LRRIQ1: variants seen among roughly 807,000 people sequenced by gnomAD.
LRRIQ1 encodes the protein leucine-rich repeat- and IQ domain-containing protein 1.
A neutral mutation model predicts 211.9 loss-of-function variants in LRRIQ1; 210 were observed. The observed-to-expected ratio is 0.99, with a 90% confidence interval of 0.89 to 1.11. The LOEUF is 1.11. LRRIQ1 is among the 50% of genes most tolerant of loss of function. LRRIQ1 has a pLI of 0.00. For missense variants in LRRIQ1, 2,136 were observed against 1,939.5 expected (o/e 1.10, Z -1.90); for synonymous variants, 699 against 650.1 (o/e 1.08, Z -1.14).
At chr12:85,250,480 A>G (rs530751734) in intron 1 of LRRIQ1, among the ~76,000 whole-genome samples, 6 of 151,604 alleles carry the variant, frequency 4.0e-5, no homozygotes, top group Admixed American at 6.6e-5. Flanking sequence ...TGGCTCATGT[A>G]TATAATCCCA....
chr12:85,192,510 A>G lies in LRRIQ1; in HGVS notation c.4822+31796A>G, dbSNP rs1203748710. On this transcript the variant is annotated intron_variant, in intron 24 of 26. Transcript: ENST00000393217. ...TTATATAATATAATTATATATAAATATATATAGTTATATAATATAATTATA... is the reference window on the plus strand; with the variant it reads ...TTATATAATATAATTATATATAAATGTATATAGTTATATAATATAATTATA... Among the ~76,000 whole-genome samples the G allele has an allele frequency of 1.5e-4, 18 of 123,262 alleles. No homozygotes were observed. In the South Asian group the frequency reaches 2.1e-3, roughly 14 times the overall value. The allele number at this position is 123,262 out of a possible 152,430, so 80.9% of individuals were successfully genotyped here.
At chr12:85,095,077 C>T (rs1885753745) in intron 11 of LRRIQ1, among the ~76,000 whole-genome samples, 1 of 152,036 alleles carries the variant, frequency 6.6e-6, no homozygotes, top group Non-Finnish European at 1.5e-5. Flanking sequence ...AGGTATTTTA[C>T]TTCTTTTTGT....
chr12:85,070,888 A>C lies in LRRIQ1; in HGVS notation c.2696-2019A>C, dbSNP rs891229770. 5.9e-5 allele frequency among the ~76,000 whole-genome samples: 9 copies of C among 151,960 alleles called. No homozygotes were observed. In the East Asian group the frequency reaches 1.7e-3, roughly 29 times the overall value. On this transcript the variant is annotated intron_variant, in intron 10 of 26. Transcript: ENST00000393217. ...ATTACTATTTATAATATAGCTTACT[A>C]ATTTTAAGATTTATTTACATTTTTT...
chr12:85,219,689 C>T (rs1894308999), intron 24 of LRRIQ1, among the ~76,000 whole-genome samples: 1 of 151,812 alleles, frequency 6.6e-6, no homozygotes, highest in Non-Finnish European at 1.5e-5. Context: ...GGCACTATTC[C>T]CAAAATTTCT....
intron 24 of LRRIQ1, among the ~76,000 whole-genome samples, chr12:85,177,572 A>C (rs1345893851): frequency 6.6e-6 from 1 of 152,154 alleles, no homozygotes; most frequent in African/African-American, 2.4e-5. Flanking sequence ...GGCCATTCAA[A>C]GAACTGAAAG....
intron 10 of LRRIQ1, among the ~76,000 whole-genome samples, chr12:85,070,267 G>A (rs1255653909): frequency 6.6e-6 from 1 of 151,886 alleles, no homozygotes; most frequent in Non-Finnish European, 1.5e-5. Flanking sequence ...TTGAGTGTTT[G>A]GTGTAGCTGA....
intron 1 of LRRIQ1, among the ~76,000 whole-genome samples, chr12:85,260,542 C>CT (rs1220380136): frequency 6.6e-6 from 1 of 152,084 alleles, no homozygotes; most frequent in Non-Finnish European, 1.5e-5. Flanking sequence ...TTATTAATCT[C>CT]TTTTTTATCT....
At chr12:85,071,108 T>C (rs1883033589) in intron 10 of LRRIQ1, among the ~76,000 whole-genome samples, 1 of 151,932 alleles carries the variant, frequency 6.6e-6, no homozygotes, top group African/African-American at 2.4e-5. Flanking sequence ...AGATGAAAAC[T>C]ACATTAAAAA....
intron 11 of LRRIQ1, among the ~76,000 whole-genome samples, chr12:85,076,849 C>T (rs1883718560): frequency 6.6e-6 from 1 of 151,184 alleles, no homozygotes. Flanking sequence ...CAACACAATG[C>T]TTAGTGTAAA....
rs1894353323 is a variant in LRRIQ1 at position 85,220,603 on chromosome 12, T to G, written c.4823-8914T>G. On this transcript the variant is annotated intron_variant, in intron 24 of 26. Transcript: ENST00000393217. Reference sequence around the variant, plus strand: ...TTATATGAATGAGTAGTGTTTCTTTTTTTTGGTTTTGTGTTTTATTTTTAT... The same window carrying G: ...TTATATGAATGAGTAGTGTTTCTTTGTTTTGGTTTTGTGTTTTATTTTTAT... Among the ~76,000 whole-genome samples, 3 of 151,034 alleles carry G rather than the reference T, an allele frequency of 2.0e-5. 1 individual carries two copies. Among genetic ancestry groups the G allele is most frequent in the Admixed American group, 6.6e-5 (1 of 15,184 alleles).
chr12:85,174,696 C>A (rs1472184624), intron 24 of LRRIQ1, among the ~76,000 whole-genome samples: 2 of 19,588 alleles, frequency 1.0e-4, no homozygotes, highest in South Asian at 9.7e-4. Flanking sequence ...AGCAAGAGTA[C>A]AGCTCAAAAA....
chr12:85,039,869 G>C (rs985983247), intron 2 of LRRIQ1, among the ~76,000 whole-genome samples: 2 of 151,458 alleles, frequency 1.3e-5, no homozygotes, highest in Admixed American at 1.3e-4. Context: ...TTGTTGTTAT[G>C]AATATTATTT....
In LRRIQ1 at chr12:85,047,330, G is replaced by A; in HGVS notation, c.538G>A (p.Glu180Lys). The A allele has an allele frequency of 6.2e-7, 1 of 1,603,230 alleles. No individual in the cohort carries two copies. Among genetic ancestry groups the A allele is most frequent in the Non-Finnish European group, 8.5e-7 (1 of 1,173,542 alleles). The change falls in exon 6 of 27, where the codon GAA becomes AAA. Residue 180 changes from glutamate to lysine, a missense_variant. Coordinates refer to ENST00000393217, the MANE Select transcript of LRRIQ1 (RefSeq NM_001079910.2). ...SFEAWQEKQK[E>K]LEDKEKQTLK... ...TGAGGCTTGGCAAGAGAAACAGAAG[G>A]AATTAGAAGATAAAGAGAAACAAAC...
rs147727814 is a variant in LRRIQ1 at position 85,075,133 on chromosome 12, C to T, written c.2887+2035C>T. On this transcript the variant is annotated intron_variant, in intron 11 of 26. Transcript: ENST00000393217. ...ATTAACTCATTTGCTTTTCACATCA[C>T]TGGCATGAGTTAGGTACTATTAAAT... is the stretch of plus-strand genomic sequence containing the variant. Among the ~76,000 whole-genome samples, 612 of 152,196 alleles carry T rather than the reference C, an allele frequency of 4.0e-3. 2 individuals are homozygous for T. The highest frequency in any genetic ancestry group is 0.014 in the African/African-American group (582 of 41,566).
intron 15 of LRRIQ1, among the ~76,000 whole-genome samples, chr12:85,117,529 A>C (rs568331583): frequency 6.6e-6 from 1 of 152,320 alleles, no homozygotes; most frequent in Admixed American, 6.5e-5. Context: ...TGACTTTGGC[A>C]GACCTCCTTT....
At chr12:85,198,033 C>CATATTATTT (rs1893064266) in intron 24 of LRRIQ1, among the ~76,000 whole-genome samples, 1 of 66,398 alleles carries the variant, frequency 1.5e-5, no homozygotes, top group Non-Finnish European at 2.4e-5. Flanking sequence ...TTATATATAA[C>CATATTATTT]ATATATAATA....
intron 24 of LRRIQ1, among the ~76,000 whole-genome samples, chr12:85,199,766 C>T (rs1240209516): frequency 6.6e-6 from 1 of 152,068 alleles, no homozygotes; most frequent in Non-Finnish European, 1.5e-5. Flanking sequence ...GAGACTCACT[C>T]ACTATCACAA....
intron 1 of LRRIQ1, among the ~76,000 whole-genome samples, chr12:85,037,949 CG>C (rs1292979594): frequency 6.6e-6 from 1 of 151,456 alleles, no homozygotes; most frequent in Non-Finnish European, 1.5e-5. Context: ...AGAGTATTAG[CG>C]TACAATTACA....
intron 2 of LRRIQ1, among the ~76,000 whole-genome samples, chr12:85,038,554 A>G (rs1003711090): frequency 6.6e-6 from 1 of 151,694 alleles, no homozygotes; most frequent in Non-Finnish European, 1.5e-5. Context: ...ATTAAATTAC[A>G]TGGGAAGAAA....
Sources: gnomAD v4.1 joint callset for allele counts (sites outside exome capture counted in the v4.1 genomes callset) on GRCh38, gnomAD v4.1.1 for gene constraint, MANE v1.5 for transcripts, NCBI Gene and HGNC (gene_info 2026-07-23, HGNC 2026-07-21) for gene names.